The following RAPGEF1 variants were observed in gnomAD, a reference collection of about 807,000 sequenced individuals.
RAPGEF1 encodes the protein CRK SH3-binding GNRP.
A neutral mutation model predicts 143.3 loss-of-function variants in RAPGEF1; 33 were observed. The ratio of observed to expected loss-of-function variants is 0.23; its 90% CI spans 0.17 to 0.31. The LOEUF (loss-of-function observed/expected upper bound fraction) is 0.31, where lower values mean the gene tolerates loss of function less well. Ranked by LOEUF, RAPGEF1 falls within the 10% of genes least tolerant of loss-of-function variation. RAPGEF1 has a pLI of 1.00. For missense variants in RAPGEF1, 1,199 were observed against 1,645.4 expected, an observed-to-expected ratio of 0.73 and a Z score of 4.69; for synonymous variants, 629 against 676.5, an observed-to-expected ratio of 0.93 and a Z score of 1.09.
At chr9:131,682,492 T>G (rs1252306181) in intron 1 of RAPGEF1, among the ~76,000 whole-genome samples, 2 of 152,136 alleles carry the variant, frequency 1.3e-5, no homozygotes, top group Non-Finnish European at 2.9e-5. Flanking sequence ...CCCTTGCCAG[T>G]GGGGACAATA....
chr9:131,622,814 C>A (rs1333133907), intron 10 of RAPGEF1, among the ~76,000 whole-genome samples: 1 of 151,138 alleles, frequency 6.6e-6, no homozygotes, highest in Non-Finnish European at 1.5e-5. Context: ...GTTGCCCAGG[C>A]TGGAGTGTAG....
chr9:131,614,416 T>C (rs1029850757), intron 12 of RAPGEF1, among the ~76,000 whole-genome samples: 1 of 152,184 alleles, frequency 6.6e-6, no homozygotes, highest in Non-Finnish European at 1.5e-5. Context: ...TCCCTTCTTC[T>C]CTCCTTCTCT....
intron 10 of RAPGEF1, 116 bp downstream of exon 10, chr9:131,625,806 A>G (rs1962830940): frequency 1.5e-6 from 2 of 1,379,204 alleles, no homozygotes; most frequent in Non-Finnish European, 2.0e-6. Flanking sequence ...TGGCTGGCCT[A>G]TCTTTTATGA....
At chr9:131,735,425 T>C (rs1452497728) in intron 1 of RAPGEF1, among the ~76,000 whole-genome samples, 1 of 152,150 alleles carries the variant, frequency 6.6e-6, no homozygotes, top group Non-Finnish European at 1.5e-5. Flanking sequence ...CCACTGCAAG[T>C]CTGATCTCTT....
At chr9:131,671,580 A>C (rs1301605233) in intron 1 of RAPGEF1, among the ~76,000 whole-genome samples, 1 of 152,170 alleles carries the variant, frequency 6.6e-6, no homozygotes, top group Non-Finnish European at 1.5e-5. Context: ...GCTGACAAGA[A>C]AGTCAAGCCT....
chr9:131,734,496 T>C (rs1837291913), intron 1 of RAPGEF1, among the ~76,000 whole-genome samples: 1 of 152,222 alleles, frequency 6.6e-6, no homozygotes, highest in South Asian at 2.1e-4. Context: ...CACTTGGTGT[T>C]TGCCAACAAG....
chr9:131,579,389 T>TCCGAGG lies in RAPGEF1; in HGVS notation c.*102_*107dup. ...GCTGAGGGCTGGCCAGCCTCATGGC[T>TCCGAGG]CCGAGGCCGGGACTCCTGCCATGCG... On this transcript the variant is annotated 3_prime_UTR_variant, in exon 27 of 27. Coordinates refer to ENST00000683357, the MANE Select transcript of RAPGEF1 (RefSeq NM_001377935.1). The TCCGAGG allele has an allele frequency of 6.9e-7, 1 of 1,443,990 alleles. No individual in the cohort carries two copies. The allele number at this position is 1,443,990 out of a possible 1,614,324, so 89.4% of individuals were successfully genotyped here.
rs1165151267 is a variant in RAPGEF1, at chr9:131,626,002, A to G, written c.1622T>C (p.Phe541Ser). 3 of 1,609,638 alleles carry G rather than the reference A, an allele frequency of 1.9e-6. No individual in the cohort carries two copies. Among genetic ancestry groups the G allele is most frequent in the South Asian group, 1.1e-5 (1 of 90,996 alleles). ...CTCAGGAGCAGTAAAATCACCCACA[A>G]ATTCGACAGGGGCTGAGGAACCTCC... ...QHGGSSAPVEFVGDFTAPEST... is the reference protein window; with the variant it reads ...QHGGSSAPVESVGDFTAPEST... Residue 541 changes from phenylalanine to serine, a missense_variant, in exon 10 of 27, where the codon TTT (phenylalanine) becomes TCT (serine). By Grantham distance (155) the Phe-to-Ser change is radical (BLOSUM62 -2). Transcript: ENST00000683357.
chr9:131,689,376 C>T (rs895991903), intron 1 of RAPGEF1, among the ~76,000 whole-genome samples: 7 of 151,926 alleles, frequency 4.6e-5, no homozygotes, highest in Non-Finnish European at 8.8e-5. Context: ...TATACTAATG[C>T]GACATATTCT....
rs1325952270 is a variant in RAPGEF1, at chr9:131,579,667, G to A, written c.3642-20C>T. The A allele has an allele frequency of 6.2e-7, 1 of 1,611,714 alleles. No homozygotes were observed. Among genetic ancestry groups the A allele is most frequent in the Non-Finnish European group, 8.5e-7 (1 of 1,178,664 alleles). ...TAGTGCCTGGTGCAGGGGATGGGGA[G>A]CAGTCAGTGAGCACCTGTGTGGGCT... On this transcript the variant is annotated intron_variant, in intron 26 of 26. Coordinates refer to ENST00000683357, the MANE Select transcript of RAPGEF1 (RefSeq NM_001377935.1).
chr9:131,605,304 C>T lies in RAPGEF1; in HGVS notation c.2062-116G>A, dbSNP rs538819553. On this transcript the variant is annotated intron_variant, in intron 12 of 26. Coordinates refer to ENST00000683357, the MANE Select transcript of RAPGEF1 (RefSeq NM_001377935.1). ...GGCCGTTCACAATAACTTAGTCTAA[C>T]GGGCCACCAATCACGCCAAGCAACC... 1.4e-5 allele frequency: 14 copies of T among 978,672 alleles called. No homozygotes were observed. The East Asian group carries it at 1.9e-4, about 13-fold the overall frequency. 60.6% of individuals were successfully genotyped at this position (978,672 alleles called of 1,614,324 possible). A position where few individuals can be genotyped will look rare whatever the true frequency, so the allele number is the denominator to read the frequency against.
Position 131,668,910 on chromosome 9 carries a change from C to T in RAPGEF1, c.62-17961G>A, listed in dbSNP as rs535036014. 2.0e-5 allele frequency among the ~76,000 whole-genome samples: 3 copies of T among 152,358 alleles called. No homozygotes were observed. In the East Asian group the frequency reaches 5.8e-4, roughly 29 times the overall value. On this transcript the variant is annotated intron_variant, in intron 1 of 26. Transcript: ENST00000683357. Reference sequence around the variant, plus strand: ...AGGTGGAGTTGTTTGGGGCAGCCTCCGTGGCTCAGAGGAACCTGCCTGTTA... The same window carrying T: ...AGGTGGAGTTGTTTGGGGCAGCCTCTGTGGCTCAGAGGAACCTGCCTGTTA...
rs181161707 is a variant in RAPGEF1, at chr9:131,598,185, C to G, written c.2613+14G>C. The G allele has an allele frequency of 1.2e-6, 2 of 1,609,538 alleles. No individual in the cohort carries two copies. Among genetic ancestry groups the G allele is most frequent in the South Asian group, 2.2e-5 (2 of 90,854 alleles). On this transcript the variant is annotated intron_variant, in intron 16 of 26. Coordinates refer to ENST00000683357, the MANE Select transcript of RAPGEF1 (RefSeq NM_001377935.1). ...GGGGCCAGGCTGCAAAGCCCCAGCC[C>G]GGGAAGTTCTCACCTCCTGCTTGAG...
At chr9:131,652,465 G>C (rs114594771) in intron 1 of RAPGEF1, among the ~76,000 whole-genome samples, 240 of 151,918 alleles carry the variant, frequency 1.6e-3, no homozygotes, top group African/African-American at 5.6e-3. Flanking sequence ...GCCCAGGTGG[G>C]CAAAAATATT....
intron 20 of RAPGEF1, among the ~76,000 whole-genome samples, chr9:131,588,286 C>T (rs1318600872): frequency 6.6e-6 from 1 of 152,244 alleles, no homozygotes; most frequent in East Asian, 1.9e-4. Context: ...GCCTGAGTTT[C>T]CCTCGTGAGC....
chr9:131,587,242 A>C (rs538441884), intron 22 of RAPGEF1, among the ~76,000 whole-genome samples: 31 of 119,890 alleles, frequency 2.6e-4, no homozygotes, highest in East Asian at 5.1e-4. Context: ...ACACACACAC[A>C]CCTGCAGAGC....
intron 1 of RAPGEF1, among the ~76,000 whole-genome samples, chr9:131,686,066 A>G (rs1171067649): frequency 2.0e-5 from 3 of 152,098 alleles, no homozygotes; most frequent in Non-Finnish European, 4.4e-5. Context: ...AAAGGTAACA[A>G]TTTTCTTTTT....
chr9:131,602,932 G>A (rs555440736), intron 14 of RAPGEF1, among the ~76,000 whole-genome samples: 1 of 152,350 alleles, frequency 6.6e-6, no homozygotes, highest in Non-Finnish European at 1.5e-5. Context: ...AGCCCTGGAA[G>A]TGTCACAGTG....
chr9:131,707,112 G>T, intron 1 of RAPGEF1, among the ~76,000 whole-genome samples: 1 of 152,182 alleles, frequency 6.6e-6, no homozygotes. Context: ...TCTAAAAGTG[G>T]TGCTTTTAAG....
Sources: gnomAD v4.1 joint callset for allele counts (sites outside exome capture counted in the v4.1 genomes callset) on GRCh38, gnomAD v4.1.1 for gene constraint, MANE v1.5 for transcripts, NCBI Gene and HGNC (gene_info 2026-07-23, HGNC 2026-07-21) for gene names.